SNRPG: variants seen among roughly 807,000 people sequenced by gnomAD.
The protein encoded by SNRPG is small nuclear ribonucleoprotein polypeptide G.
A neutral mutation model predicts 13.9 loss-of-function variants in SNRPG; 3 were observed. The ratio of observed to expected loss-of-function variants is 0.22; its 90% CI spans 0.10 to 0.56. The LOEUF is 0.56. Among genes scored for constraint, SNRPG ranks in the 20% least tolerant of loss-of-function variants. The pLI is 0.93. For synonymous variants in SNRPG, 29 were observed against 29.3 expected, an observed-to-expected ratio of 0.99 and a Z score of 0.03; for missense variants, 34 against 96.1, an observed-to-expected ratio of 0.35 and a Z score of 2.70.
intron 3 of SNRPG, among the ~76,000 whole-genome samples, chr2:70,283,497 T>C (rs1320519356): frequency 6.6e-6 from 1 of 152,220 alleles, no homozygotes; most frequent in Non-Finnish European, 1.5e-5. Flanking sequence ...GTATCATGCT[T>C]GTTTTATTTA....
rs149891243 is a variant in SNRPG at position 70,286,265 on chromosome 2, T to C, written c.180+1803A>G. On this transcript the variant is annotated intron_variant, in intron 3 of 3. Transcript: ENST00000272348. ...ACTGCAATAAAACAGTATTAAGTAA[T>C]TTCAATGGCCTCAATGGATCACTGA... Among the ~76,000 whole-genome samples, 212 of 152,128 alleles carry C rather than the reference T, an allele frequency of 1.4e-3. 1 individual carries two copies. The highest frequency in any genetic ancestry group is 4.7e-3 in the African/African-American group (194 of 41,498).
chr2:70,287,394 C>A, intron 3 of SNRPG: 1 of 694,644 alleles, frequency 1.4e-6, no homozygotes, highest in South Asian at 1.5e-5. Context: ...AAGAGGGACT[C>A]AAAGTCTGGG....
At chr2:70,284,135 CTCT>C (rs1378249937) in intron 3 of SNRPG, among the ~76,000 whole-genome samples, 1 of 152,192 alleles carries the variant, frequency 6.6e-6, no homozygotes, top group Non-Finnish European at 1.5e-5. Flanking sequence ...AAGATTGACA[CTCT>C]TCTTCTAAGT....
intron 1 of SNRPG, among the ~76,000 whole-genome samples, chr2:70,289,978 G>A (rs1030882999): frequency 3.3e-5 from 5 of 149,892 alleles, no homozygotes; most frequent in African/African-American, 1.2e-4. Flanking sequence ...TCAATACTAC[G>A]TTGTTTCATT....
Position 70,289,375 on chromosome 2 carries a change from G to T in SNRPG, c.33-3C>A. ...ATGATAACTTCTTGTCCATAAATCT[G>T]AAAAAGGAAAAGGGTAAAGATTATA... On this transcript the variant is annotated splice_region_variant and splice_polypyrimidine_tract_variant and intron_variant, in intron 1 of 3. Coordinates refer to ENST00000272348, the MANE Select transcript of SNRPG (RefSeq NM_003096.4). The T allele has an allele frequency of 7.0e-7, 1 of 1,429,656 alleles. No individual in the cohort carries two copies. 88.6% of individuals were successfully genotyped at this position (1,429,656 alleles called of 1,614,324 possible).
chr2:70,288,051 C>G lies in SNRPG; in HGVS notation c.180+17G>C. On this transcript the variant is annotated intron_variant, in intron 3 of 3. Coordinates refer to ENST00000272348, the MANE Select transcript of SNRPG (RefSeq NM_003096.4). ...GAAAAATGAAATCTCCAAGAGAACT[C>G]TTGTATCTTTACTTACCACCATTCC... is the stretch of plus-strand genomic sequence containing the variant. 1 of 1,610,300 alleles carries G rather than the reference C, an allele frequency of 6.2e-7. No homozygotes were observed. The highest frequency in any genetic ancestry group is 8.5e-7 in the Non-Finnish European group (1 of 1,178,340).
intron 3 of SNRPG, among the ~76,000 whole-genome samples, chr2:70,283,538 T>C (rs912619127): frequency 1.3e-5 from 2 of 152,218 alleles, no homozygotes; most frequent in Non-Finnish European, 2.9e-5. Flanking sequence ...GTGTTCTCCA[T>C]ACAAATGTAA....
chr2:70,289,419 T>A, intron 1 of SNRPG, 47 bp from the exon 2 acceptor site: 1 of 1,083,672 alleles, frequency 9.2e-7, no homozygotes, highest in South Asian at 1.4e-5. Context: ...TAAAAAAATT[T>A]AAGCATAAAC....
At position 70,293,605 on chromosome 2, in the gene SNRPG, C is replaced by T. The variant is rs777511494; in HGVS notation, c.32+13G>A. On this transcript the variant is annotated intron_variant, in intron 1 of 3. Transcript: ENST00000272348. ...TAACTGACCACTTCGGTTTGGCTCTCACACATACTTACTTTTTCAACTCGG... is the reference window on the plus strand; with the variant it reads ...TAACTGACCACTTCGGTTTGGCTCTTACACATACTTACTTTTTCAACTCGG... 3.1e-6 allele frequency: 5 copies of T among 1,612,812 alleles called. No individual in the cohort carries two copies. Among genetic ancestry groups the T allele is most frequent in the Admixed American group, 1.7e-5 (1 of 60,002 alleles).
In SNRPG at chr2:70,293,707, G is replaced by T. The variant is rs1201528067; in HGVS notation, c.-58C>A. 33 of 1,549,338 alleles carry T rather than the reference G, an allele frequency of 2.1e-5. No homozygotes were observed. The highest frequency in any genetic ancestry group is 2.8e-5 in the Non-Finnish European group (31 of 1,121,122). On this transcript the variant is annotated 5_prime_UTR_variant, in exon 1 of 4. Coordinates refer to ENST00000272348, the MANE Select transcript of SNRPG (RefSeq NM_003096.4). ...GAACGCAACGCACGGCTTTCCTCAC[G>T]CTCCCGCTGTAGGCCCGGCGTCTTG... is the stretch of plus-strand genomic sequence containing the variant.
chr2:70,290,526 TTTCA>T (rs1313346753), intron 1 of SNRPG, among the ~76,000 whole-genome samples: 22 of 151,968 alleles, frequency 1.4e-4, no homozygotes, highest in African/African-American at 4.8e-4. Context: ...ATTTTAAAAA[TTTCA>T]TTCAAATTTT....
intron 1 of SNRPG, chr2:70,292,819 A>C (rs1052682002): frequency 6.9e-6 from 2 of 287,774 alleles, no homozygotes; most frequent in Admixed American, 4.7e-5. Flanking sequence ...TTCCAGCATC[A>C]GGAAGTATAA....
intron 3 of SNRPG, among the ~76,000 whole-genome samples, chr2:70,283,878 G>A (rs912587687): frequency 6.6e-6 from 1 of 152,164 alleles, no homozygotes; most frequent in African/African-American, 2.4e-5. Flanking sequence ...GGGCAACATG[G>A]TAAAACCCTG....
In SNRPG at chr2:70,293,237, C is replaced by T. The variant is rs145079751; in HGVS notation, c.32+381G>A. On this transcript the variant is annotated intron_variant, in intron 1 of 3. Transcript: ENST00000272348. ...AACACTTCCTTCCCTTCCAGCCCCTCCTTAGTTCCTTCAGAGAATTTCCCC... is the reference window on the plus strand; with the variant it reads ...AACACTTCCTTCCCTTCCAGCCCCTTCTTAGTTCCTTCAGAGAATTTCCCC... 42 of 702,134 alleles carry T rather than the reference C, an allele frequency of 6.0e-5. 1 individual carries two copies. In the East Asian group the frequency reaches 8.3e-4, roughly 14 times the overall value. 43.5% of individuals were successfully genotyped at this position (702,134 alleles called of 1,614,324 possible). A position where few individuals can be genotyped will look rare whatever the true frequency, so the allele number is the denominator to read the frequency against.
chr2:70,291,983 T>A (rs1166985073), intron 1 of SNRPG, among the ~76,000 whole-genome samples: 5 of 149,470 alleles, frequency 3.3e-5, no homozygotes, highest in Admixed American at 1.4e-4. Flanking sequence ...AGTCTCGCTC[T>A]GTTGCCCAGG....
intron 3 of SNRPG, 131 bp downstream of exon 3, chr2:70,287,937 A>G: frequency 1.3e-6 from 1 of 749,920 alleles, no homozygotes; most frequent in South Asian, 1.6e-5. Context: ...TGCCGTATGC[A>G]ACTAAAAAGG....
chr2:70,291,779 T>C (rs543891624), intron 1 of SNRPG, among the ~76,000 whole-genome samples: 2 of 151,988 alleles, frequency 1.3e-5, no homozygotes, highest in South Asian at 4.1e-4. Context: ...AAAACTATGT[T>C]ATGAATCAGA....
intron 2 of SNRPG, among the ~76,000 whole-genome samples, 190 bp from the exon 3 acceptor site, chr2:70,288,382 T>C (rs1051943524): frequency 6.6e-6 from 1 of 152,208 alleles, no homozygotes; most frequent in Non-Finnish European, 1.5e-5. Flanking sequence ...TCCTAAAAAG[T>C]AGTATTATCC....
At chr2:70,284,799 CA>C (rs1696899507) in intron 3 of SNRPG, among the ~76,000 whole-genome samples, 1 of 152,190 alleles carries the variant, frequency 6.6e-6, no homozygotes. Context: ...GCTAAATTTA[CA>C]TATTTGTCTT....
Sources: allele counts gnomAD v4.1 joint callset (sites outside exome capture counted in the v4.1 genomes callset), GRCh38; gene constraint gnomAD v4.1.1; transcripts MANE v1.5; gene names NCBI Gene and HGNC (gene_info 2026-07-23, HGNC 2026-07-21).